The following OR10K1 variants were observed in gnomAD, a reference collection of about 807,000 sequenced individuals.
OR10K1 encodes the protein olfactory receptor family 10 subfamily K member 1, also known as olfactory receptor 10K1.
For missense variants in OR10K1, 404 were observed against 373.3 expected (o/e 1.08, Z -0.68); for synonymous variants, 186 against 152.5 (o/e 1.22, Z -1.62).
intron 1 of OR10K1, among the ~76,000 whole-genome samples, chr1:158,463,387 A>G (rs1485023124): frequency 6.6e-6 from 1 of 152,224 alleles, no homozygotes; most frequent in Non-Finnish European, 1.5e-5. Context: ...CTGAATCCAT[A>G]GATCATAAAA....
chr1:158,462,598 G>A (rs981741693), intron 1 of OR10K1, among the ~76,000 whole-genome samples: 1 of 152,004 alleles, frequency 6.6e-6, no homozygotes, highest in African/African-American at 2.4e-5. Context: ...TTTTAATATG[G>A]CAATCTGGAG....
Position 158,466,138 on chromosome 1 carries a change from G to A in OR10K1, c.577G>A (p.Gly193Ser), listed in dbSNP as rs41273489. The A allele has an allele frequency of 0.077, 124,967 of 1,613,698 alleles. 5,479 individuals carry two copies. Among genetic ancestry groups the A allele is most frequent in the Middle Eastern group, 0.12 (721 of 6,056 alleles). Residue 193 changes from glycine (G) to serine (S), a missense_variant, in exon 2 of 2, where the codon GGC becomes AGC. Gly to Ser is a moderately conservative substitution (Grantham distance 56). Coordinates refer to ENST00000641535, the MANE Select transcript of OR10K1 (RefSeq NM_001004473.2). ...PVLKLASQHS[G>S]FSQLVIFMLG... ...CCTTAAACTGGCATCTCAGCACTCCGGCTTCAGTCAGCTGGTCATATTCAT... is the reference window on the plus strand; with the variant it reads ...CCTTAAACTGGCATCTCAGCACTCCAGCTTCAGTCAGCTGGTCATATTCAT...
At chr1:158,464,318 A>G (rs1309427499) in intron 1 of OR10K1, among the ~76,000 whole-genome samples, 5 of 152,202 alleles carry the variant, frequency 3.3e-5, no homozygotes, top group African/African-American at 1.2e-4. Flanking sequence ...AGTTTGCAAA[A>G]TATTTTTAGT....
chr1:158,466,428 T>A lies in OR10K1; in HGVS notation c.867T>A (p.Ile289=). 1 of 1,614,044 alleles carries A rather than the reference T, an allele frequency of 6.2e-7. No homozygotes were observed. Among genetic ancestry groups the A allele is most frequent in the Non-Finnish European group, 8.5e-7 (1 of 1,179,958 alleles). The change falls in exon 2 of 2, where the codon ATT becomes ATA. Residue 289 remains isoleucine, a synonymous_variant. Transcript: ENST00000641535. ...TTACCCCATTGTTCAATCCAATGAT[T>A]TATAGTCTGAGAAATAAGGAATTCA... is the stretch of plus-strand genomic sequence containing the variant. The part of the protein sequence containing the change: ...TILTPLFNPM[I]YSLRNKEFKS...
intron 1 of OR10K1, among the ~76,000 whole-genome samples, chr1:158,462,776 G>T (rs1252463600): frequency 6.6e-6 from 1 of 151,966 alleles, no homozygotes; most frequent in Non-Finnish European, 1.5e-5. Flanking sequence ...GCCTTCTTTT[G>T]GGGGAACCCA....
intron 1 of OR10K1, among the ~76,000 whole-genome samples, chr1:158,464,246 T>C (rs1170145001): frequency 1.3e-5 from 2 of 152,204 alleles, no homozygotes; most frequent in African/African-American, 2.4e-5. Flanking sequence ...GTTGGGTTAT[T>C]GAAAAATGTT....
chr1:158,465,268 T>C (rs1412758943), intron 1 of OR10K1, 138 bp from the exon 2 acceptor site: 3 of 433,698 alleles, frequency 6.9e-6, no homozygotes, highest in Non-Finnish European at 4.2e-6. Flanking sequence ...CAACAATCTC[T>C]CTGTTACATA....
rs566854907 is a variant in OR10K1 at position 158,465,425 on chromosome 1, A to G, written c.-137A>G. On this transcript the variant is annotated 5_prime_UTR_variant, in exon 2 of 2. It removes an upstream start codon present in the reference 5' UTR. Coordinates refer to ENST00000641535, the MANE Select transcript of OR10K1 (RefSeq NM_001004473.2). The stretch of plus-strand genomic sequence containing the variant: ...TTTTAGCAGGCATTTTAATGGGGGA[A>G]TGAAGAATTCCATCAAATATCTGGA... 5.9e-6 allele frequency: 4 copies of G among 679,754 alleles called. No individual in the cohort carries two copies. Among genetic ancestry groups the G allele is most frequent in the South Asian group, 5.9e-5 (3 of 51,064 alleles). The allele number at this position is 679,754 out of a possible 1,614,324, so 42.1% of individuals were successfully genotyped here.
intron 1 of OR10K1, among the ~76,000 whole-genome samples, chr1:158,463,182 C>T (rs749458824): frequency 1.3e-5 from 2 of 152,034 alleles, no homozygotes; most frequent in African/African-American, 4.8e-5. Context: ...GAAGACTAGA[C>T]CTGAAACCTA....
At chr1:158,461,974 T>A (rs1423116926) in intron 1 of OR10K1, 70 bp downstream of exon 1, 2 of 152,194 alleles carry the variant, frequency 1.3e-5, no homozygotes, top group Non-Finnish European at 2.9e-5. Flanking sequence ...TGACTGGGAA[T>A]GGCCTTTATA....
At chr1:158,462,854 A>G (rs1408881079) in intron 1 of OR10K1, among the ~76,000 whole-genome samples, 1 of 152,234 alleles carries the variant, frequency 6.6e-6, no homozygotes, top group East Asian at 1.9e-4. Context: ...CATCTGAGGA[A>G]TTAGAAAAAT....
chr1:158,466,516 T>A lies in OR10K1; in HGVS notation c.*13T>A, dbSNP rs371099155. On this transcript the variant is annotated 3_prime_UTR_variant, in exon 2 of 2. Transcript: ENST00000641535. ...TCCTCTTAGTTAAAGAGCTATTTTT[T>A]AAACTACTAATGCCTAGTACATGCC... is the stretch of plus-strand genomic sequence containing the variant. 2 of 1,525,666 alleles carry A rather than the reference T, an allele frequency of 1.3e-6. No individual in the cohort carries two copies. The highest frequency in any genetic ancestry group is 2.7e-5 in the African/African-American group (2 of 73,082). The allele number at this position is 1,525,666 out of a possible 1,614,324, so 94.5% of individuals were successfully genotyped here.
Position 158,465,667 on chromosome 1 carries a change from C to G in OR10K1, c.106C>G (p.Leu36Val). The G allele has an allele frequency of 6.2e-7, 1 of 1,614,164 alleles. No homozygotes were observed. Among genetic ancestry groups the G allele is most frequent in the Non-Finnish European group, 8.5e-7 (1 of 1,180,018 alleles). ...LLFVIFLLLY[L>V]FTLGTNAIII... ...CTTTGTTATCTTCCTGCTCCTCTAC[C>G]TGTTCACTCTGGGCACCAATGCAAT... Residue 36 changes from leucine to valine, a missense_variant, in exon 2 of 2, where the codon CTG becomes GTG. Coordinates refer to ENST00000641535, the MANE Select transcript of OR10K1 (RefSeq NM_001004473.2).
rs1312995229 is a variant in OR10K1 at position 158,466,641 on chromosome 1, G to A, written c.*138G>A. ...TATGAGAAGAATGAGGCTCACAGAA[G>A]TTAAGACAGTCTGGCTTTCTACTCT... On this transcript the variant is annotated 3_prime_UTR_variant, in exon 2 of 2. Coordinates refer to ENST00000641535, the MANE Select transcript of OR10K1 (RefSeq NM_001004473.2). 3.1e-6 allele frequency: 2 copies of A among 635,682 alleles called. No homozygotes were observed. The highest frequency in any genetic ancestry group is 3.7e-5 in the African/African-American group (2 of 54,354). The allele number at this position is 635,682 out of a possible 1,614,324, so 39.4% of individuals were successfully genotyped here.
chr1:158,463,052 G>C (rs1357498036), intron 1 of OR10K1, among the ~76,000 whole-genome samples: 1 of 151,844 alleles, frequency 6.6e-6, no homozygotes, highest in African/African-American at 2.4e-5. Flanking sequence ...AAATGTTCAG[G>C]GATCCTCTGC....
Position 158,466,300 on chromosome 1 carries a change from G to T in OR10K1, c.739G>T (p.Val247Leu), listed in dbSNP as rs1054481011. 1 of 1,613,988 alleles carries T rather than the reference G, an allele frequency of 6.2e-7. No homozygotes were observed. The highest frequency in any genetic ancestry group is 8.5e-7 in the Non-Finnish European group (1 of 1,180,016). Residue 247 changes from valine (V) to leucine (L), a missense_variant, in exon 2 of 2, where the codon GTG (valine) becomes TTG (leucine). Coordinates refer to ENST00000641535, the MANE Select transcript of OR10K1 (RefSeq NM_001004473.2). Reference sequence around the variant, plus strand: ...CTCCACCTGTGCCTCCCATCTCATTGTGGTAACTGTTCACTACAGTTGTGC... The same window carrying T: ...CTCCACCTGTGCCTCCCATCTCATTTTGGTAACTGTTCACTACAGTTGTGC... Reference protein sequence around the residue: ...TFSTCASHLIVVTVHYSCASF... With the variant: ...TFSTCASHLILVTVHYSCASF...
chr1:158,465,808 G>A lies in OR10K1; in HGVS notation c.247G>A (p.Val83Ile). Reference protein sequence around the residue: ...YTFVIVPKMLVDLLSQKKTIS... With the variant: ...YTFVIVPKMLIDLLSQKKTIS... ...CTTTGTCATTGTACCCAAGATGCTG[G>A]TTGACCTGCTGTCCCAGAAGAAGAC... is the stretch of plus-strand genomic sequence containing the variant. Residue 83 changes from valine (V) to isoleucine (I), a missense_variant, in exon 2 of 2, where the codon GTT becomes ATT. Val to Ile is a conservative substitution (Grantham distance 29). Transcript: ENST00000641535. 6.2e-7 allele frequency: 1 copy of A among 1,614,146 alleles called. No homozygotes were observed. The highest frequency in any genetic ancestry group is 1.1e-5 in the South Asian group (1 of 91,084).
At position 158,465,478 on chromosome 1, in the gene OR10K1, G is replaced by T. The variant is rs1656013551; in HGVS notation, c.-84G>T. ...TGCCTGCCACCTGCAAACTTTGTGT[G>T]AAATTTCCCGTACATTTCCACTCTC... On this transcript the variant is annotated 5_prime_UTR_variant, in exon 2 of 2. Coordinates refer to ENST00000641535, the MANE Select transcript of OR10K1 (RefSeq NM_001004473.2). 5.6e-6 allele frequency: 6 copies of T among 1,069,156 alleles called. No homozygotes were observed. Among genetic ancestry groups the T allele is most frequent in the Non-Finnish European group, 8.1e-6 (6 of 736,480 alleles). The allele number at this position is 1,069,156 out of a possible 1,614,324, so 66.2% of individuals were successfully genotyped here.
chr1:158,464,336 TGTTCA>T (rs2101665618), intron 1 of OR10K1, among the ~76,000 whole-genome samples: 1 of 152,330 alleles, frequency 6.6e-6, no homozygotes, highest in Non-Finnish European at 1.5e-5. Flanking sequence ...AGTGGCAGAA[TGTTCA>T]AAAGAAATCT....
Sources: gnomAD v4.1 joint callset for allele counts (sites outside exome capture counted in the v4.1 genomes callset) on GRCh38, gnomAD v4.1.1 for gene constraint, MANE v1.5 for transcripts, NCBI Gene and HGNC (gene_info 2026-07-23, HGNC 2026-07-21) for gene names.